KIF15: variants seen among roughly 807,000 people sequenced by gnomAD.
KIF15 encodes the protein kinesin-like protein KIF15.
A neutral mutation model predicts 190.6 loss-of-function variants in KIF15; 140 were observed. That is an observed-to-expected ratio of 0.73 (90% CI 0.64 to 0.84). KIF15 has a LOEUF of 0.84. Among genes scored for constraint, KIF15 ranks in the 40% least tolerant of loss-of-function variants. The pLI is 0.00. For synonymous variants in KIF15, 528 were observed against 551.3 expected (o/e 0.96, Z 0.59); for missense variants, 1,372 against 1,584.4 (o/e 0.87, Z 2.28).
chr3:44,862,269 G>C (rs940754966), intron 6 of KIF15: 24 of 446,414 alleles, frequency 5.4e-5, no homozygotes, highest in Non-Finnish European at 6.8e-5. Context: ...CTGTCCCGCC[G>C]GGGCCCCGGG....
chr3:44,864,029 T>C (rs1699292814), intron 6 of KIF15: 4 of 678,648 alleles, frequency 5.9e-6, no homozygotes, highest in Admixed American at 2.8e-5. Context: ...TGCTGCCCAC[T>C]GAGGGTTAAG....
At position 44,842,674 on chromosome 3, in the gene KIF15, G is replaced by A. The variant is rs1471379256; in HGVS notation, c.3586-451G>A. The stretch of plus-strand genomic sequence containing the variant: ...GATAATAGGCAAGTAAATCCAAAAG[G>A]ATATTCCTTGCAGACAAGTATTTAT... On this transcript the variant is annotated intron_variant, in intron 29 of 34. Transcript: ENST00000326047. Among the ~76,000 whole-genome samples, 5 of 152,286 alleles carry A rather than the reference G, an allele frequency of 3.3e-5. 1 individual carries two copies. The South Asian group carries it at 6.2e-4, about 19-fold the overall frequency.
intron 7 of KIF15, among the ~76,000 whole-genome samples, chr3:44,787,695 C>T (rs1288327538): frequency 6.6e-6 from 1 of 152,178 alleles, no homozygotes; most frequent in Non-Finnish European, 1.5e-5. Context: ...CATACATTAG[C>T]ATAGTATGTC....
intron 11 of KIF15, among the ~76,000 whole-genome samples, chr3:44,801,034 G>T (rs1322183351): frequency 6.7e-6 from 1 of 149,008 alleles, no homozygotes; most frequent in African/African-American, 2.5e-5. Context: ...TTGAGACGCA[G>T]TCTCTCTTTG....
At chr3:44,789,941 A>G (rs1706603611) in intron 7 of KIF15, among the ~76,000 whole-genome samples, 1 of 152,048 alleles carries the variant, frequency 6.6e-6, no homozygotes, top group South Asian at 2.1e-4. Context: ...CATTTATTTT[A>G]AAAAGAATAA....
In KIF15 at chr3:44,843,178, G is replaced by A. The variant is rs1553663881; in HGVS notation, c.3639G>A (p.Glu1213=). 1.2e-6 allele frequency: 2 copies of A among 1,613,168 alleles called. No homozygotes were observed. The highest frequency in any genetic ancestry group is 2.2e-5 in the South Asian group (2 of 90,926). The change falls in exon 30 of 35, where the codon GAG becomes GAA. Residue 1213 remains glutamate (E), a synonymous_variant. Coordinates refer to ENST00000326047, the MANE Select transcript of KIF15 (RefSeq NM_020242.3). The part of the protein sequence containing the change: ...NLRLESQQLI[E]KNWLLQGQLD... ...GCCTGGAAAGTCAGCAGTTAATAGAGAAAAACTGGCTCCTGCAAGGTCAGC... is the reference window on the plus strand; with the variant it reads ...GCCTGGAAAGTCAGCAGTTAATAGAAAAAAACTGGCTCCTGCAAGGTCAGC...
intron 1 of KIF15, among the ~76,000 whole-genome samples, chr3:44,772,010 A>C (rs1279810915): frequency 6.6e-6 from 1 of 152,242 alleles, no homozygotes; most frequent in Non-Finnish European, 1.5e-5. Flanking sequence ...TGTGAACTAA[A>C]AGGTACCACA....
chr3:44,812,389 T>G, intron 18 of KIF15, 100 bp downstream of exon 18: 1 of 795,300 alleles, frequency 1.3e-6, no homozygotes, highest in Non-Finnish European at 2.1e-6. Context: ...TGAGTATGCA[T>G]GAAACATATT....
intron 6 of KIF15, chr3:44,861,913 T>G: frequency 1.4e-6 from 2 of 1,477,028 alleles, no homozygotes; most frequent in South Asian, 1.3e-5. Flanking sequence ...AGGCACGGTG[T>G]CAGCAGGCAA....
intron 32 of KIF15, among the ~76,000 whole-genome samples, chr3:44,850,920 A>G (rs1699038251): frequency 6.6e-6 from 1 of 152,196 alleles, no homozygotes; most frequent in African/African-American, 2.4e-5. Flanking sequence ...TGAATGGTGT[A>G]ATAATACATC....
intron 10 of KIF15, 149 bp from the exon 11 acceptor site, chr3:44,800,165 A>C (rs1171077642): frequency 4.4e-6 from 3 of 682,952 alleles, no homozygotes; most frequent in Admixed American, 6.1e-5. Flanking sequence ...ACTTGAGCAC[A>C]CTGTGATTCC....
At chr3:44,848,995 C>T (rs541371034) in intron 32 of KIF15, among the ~76,000 whole-genome samples, 1 of 152,254 alleles carries the variant, frequency 6.6e-6, no homozygotes, top group African/African-American at 2.4e-5. Context: ...ATAAAGTTTT[C>T]ATATTAATTC....
At chr3:44,861,752 C>T in intron 6 of KIF15, 1 of 686,946 alleles carries the variant, frequency 1.5e-6, no homozygotes, top group Non-Finnish European at 2.3e-6. Flanking sequence ...CCGCCACAGC[C>T]CAGGGTCTCT....
chr3:44,803,041 A>G, intron 14 of KIF15, 50 bp downstream of exon 14: 6 of 1,518,604 alleles, frequency 4.0e-6, no homozygotes, highest in Non-Finnish European at 5.3e-6. Flanking sequence ...GGGCTGTTTT[A>G]AAGAGCATTT....
chr3:44,841,436 C>T (rs1349623892), intron 29 of KIF15, among the ~76,000 whole-genome samples, 198 bp downstream of exon 29: 3 of 147,650 alleles, frequency 2.0e-5, no homozygotes, highest in South Asian at 2.1e-4. Context: ...CTGCCTCTGT[C>T]GCCCAGGGTG....
intron 20 of KIF15, among the ~76,000 whole-genome samples, chr3:44,823,030 G>A (rs540482442): frequency 2.6e-5 from 4 of 152,188 alleles, no homozygotes; most frequent in East Asian, 1.9e-4. Flanking sequence ...AGTTATTCTC[G>A]TCCAGCTTTG....
rs1382153835 is a variant in KIF15 at position 44,828,280 on chromosome 3, A to G, written c.2923A>G (p.Lys975Glu). ...TGAAAAAGTGATCAGTTCCCTGGAAAAGTCTAGAGATTCTGATAAGGTTGG... is the reference window on the plus strand; with the variant it reads ...TGAAAAAGTGATCAGTTCCCTGGAAGAGTCTAGAGATTCTGATAAGGTTGG... ...ATEKVISSLE[K>E]SRDSDKKVVA... The change falls in exon 24 of 35, where the codon AAG (lysine) becomes GAG (glutamate). Residue 975 changes from lysine (K) to glutamate (E), a missense_variant. Transcript: ENST00000326047. The G allele has an allele frequency of 3.1e-6, 5 of 1,611,882 alleles. No individual in the cohort carries two copies. In the South Asian group the frequency reaches 3.3e-5, roughly 11 times the overall value.
intron 7 of KIF15, among the ~76,000 whole-genome samples, chr3:44,792,733 A>C (rs1706775877): frequency 6.6e-6 from 1 of 151,912 alleles, no homozygotes; most frequent in Non-Finnish European, 1.5e-5. Flanking sequence ...TTTTTAGCGG[A>C]GACGGGGTTT....
At chr3:44,867,250 C>A (rs1464702552) in intron 6 of KIF15, among the ~76,000 whole-genome samples, 2 of 152,210 alleles carry the variant, frequency 1.3e-5, no homozygotes, top group Non-Finnish European at 2.9e-5. Flanking sequence ...AGAGGCCCTG[C>A]AGTAAGGGGC....
Sources: gnomAD v4.1 joint callset for allele counts (sites outside exome capture counted in the v4.1 genomes callset) on GRCh38, gnomAD v4.1.1 for gene constraint, MANE v1.5 for transcripts, NCBI Gene and HGNC (gene_info 2026-07-23, HGNC 2026-07-21) for gene names.